The following MYO9A variants were observed in gnomAD, a reference collection of about 807,000 sequenced individuals.
The protein encoded by MYO9A is myosin IXA.
Under a neutral mutation model 293.3 loss-of-function variants are expected in MYO9A, and 103 were observed. The observed-to-expected ratio is 0.35, with a 90% CI of 0.30 to 0.41. The LOEUF is 0.41. Among genes scored for constraint, MYO9A ranks in the 10% least tolerant of loss-of-function variants. The probability of loss-of-function intolerance (pLI) is 1.00; values close to 1 mark genes in which losing one functional copy is unlikely to be tolerated. For synonymous variants in MYO9A, 1,001 were observed against 1,035.7 expected (o/e 0.97, Z 0.64); for missense variants, 2,685 against 3,033.0 (o/e 0.89, Z 2.69).
chr15:72,101,215 G>A (rs1285846798), intron 1 of MYO9A, among the ~76,000 whole-genome samples: 22 of 133,788 alleles, frequency 1.6e-4, no homozygotes, highest in African/African-American at 3.1e-4. Context: ...CCCTCTGCCC[G>A]GCCAGCCGCC....
At chr15:72,026,108 C>A (rs1218231331) in intron 4 of MYO9A, among the ~76,000 whole-genome samples, 1 of 151,418 alleles carries the variant, frequency 6.6e-6, no homozygotes, top group Non-Finnish European at 1.5e-5. Flanking sequence ...CCCGCCCCTA[C>A]TAAAAATACA....
intron 9 of MYO9A, among the ~76,000 whole-genome samples, chr15:71,997,642 A>G (rs184585437): frequency 8.4e-4 from 128 of 152,230 alleles, no homozygotes; most frequent in Admixed American, 7.4e-3. Flanking sequence ...ACAAAAAAAA[A>G]GTAGGGAATA....
At position 71,875,810 on chromosome 15, in the gene MYO9A, C is replaced by T. The variant is rs1203930547; in HGVS notation, c.5960G>A (p.Arg1987Lys). Residue 1987 changes from arginine (R) to lysine (K), a missense_variant, in exon 32 of 42, where the codon AGG (arginine) becomes AAG (lysine). This residue lies in a region of MYO9A where 1,434 missense variants were observed against 1,497.7 expected (regional missense o/e 0.96). Coordinates refer to ENST00000356056, the MANE Select transcript of MYO9A (RefSeq NM_006901.4). ...ACTTACCAAATCAGTTTCCTTTTTC[C>T]TTCTTTTCTTTCTTTCTGTTTTTGG... ...KVPKTERKKRRKKETDLVEEH... is the reference protein window; with the variant it reads ...KVPKTERKKRKKKETDLVEEH... The T allele has an allele frequency of 1.5e-6, 2 of 1,367,202 alleles. No individual in the cohort carries two copies. Among genetic ancestry groups the T allele is most frequent in the Admixed American group, 3.3e-5 (1 of 30,016 alleles). The allele number at this position is 1,367,202 out of a possible 1,614,324, so 84.7% of individuals were successfully genotyped here.
intron 1 of MYO9A, chr15:72,117,157 T>C (rs2081015017): frequency 6.6e-6 from 1 of 152,112 alleles, no homozygotes; most frequent in African/African-American, 2.4e-5. Context: ...TGACACCACA[T>C]CTACCGGGAG....
At chr15:72,115,598 G>A (rs2080942722) in intron 1 of MYO9A, among the ~76,000 whole-genome samples, 1 of 152,096 alleles carries the variant, frequency 6.6e-6, no homozygotes, top group African/African-American at 2.4e-5. Context: ...AATATTCCTG[G>A]CCTTTAGTCT....
intron 36 of MYO9A, 66 bp downstream of exon 36, chr15:71,852,066 A>G (rs1171833447): frequency 6.7e-7 from 1 of 1,490,740 alleles, no homozygotes; most frequent in Non-Finnish European, 9.1e-7. Context: ...TTGATAATCT[A>G]TACTCAAGAT....
intron 1 of MYO9A, among the ~76,000 whole-genome samples, chr15:72,070,653 G>GCACTCCA (rs2079163594): frequency 6.6e-6 from 1 of 152,010 alleles, no homozygotes; most frequent in African/African-American, 2.4e-5. Context: ...CCGCGCCACT[G>GCACTCCA]CACTCCAGCT....
At chr15:71,905,762 C>CAG (rs35384160) in intron 19 of MYO9A, among the ~76,000 whole-genome samples, 4 of 71,896 alleles carry the variant, frequency 5.6e-5, no homozygotes, top group African/African-American at 2.4e-4. Context: ...GACTCTGTCT[C>CAG]AAAAAAAAAA....
chr15:71,983,902 C>T (rs1390966226), intron 11 of MYO9A, among the ~76,000 whole-genome samples: 3 of 152,200 alleles, frequency 2.0e-5, no homozygotes, highest in East Asian at 3.8e-4. Context: ...ACCTGAGCTA[C>T]AATAGGAAAC....
At chr15:71,867,798 TCACACACACACACACACACACA>T (rs57300333) in intron 32 of MYO9A, among the ~76,000 whole-genome samples, 15 of 127,632 alleles carry the variant, frequency 1.2e-4, no homozygotes, top group South Asian at 6.1e-4. Context: ...TGGGAATCCA[TCACACACACACACACACACACA>T]CACACACACA....
Position 71,967,971 on chromosome 15 carries a change from G to T in MYO9A, c.1986+13C>A. 6.3e-7 allele frequency: 1 copy of T among 1,599,274 alleles called. No individual in the cohort carries two copies. On this transcript the variant is annotated intron_variant, in intron 13 of 41. Coordinates refer to ENST00000356056, the MANE Select transcript of MYO9A (RefSeq NM_006901.4). Reference sequence around the variant, plus strand: ...TCTGCCCTGTAAGCATATTCAGTGAGAAATTTACTGACCTTTACCCCATAT... The same window carrying T: ...TCTGCCCTGTAAGCATATTCAGTGATAAATTTACTGACCTTTACCCCATAT...
chr15:72,052,786 T>G (rs1264122869), intron 1 of MYO9A, among the ~76,000 whole-genome samples: 1 of 152,152 alleles, frequency 6.6e-6, no homozygotes, highest in African/African-American at 2.4e-5. Context: ...GCCAGCATGC[T>G]CGGTTGTGTA....
At chr15:71,839,566 GC>G (rs1446042878) in intron 39 of MYO9A, among the ~76,000 whole-genome samples, 1 of 152,040 alleles carries the variant, frequency 6.6e-6, no homozygotes, top group East Asian at 1.9e-4. Context: ...GTACCACCAT[GC>G]CCAGCTAACT....
chr15:71,933,715 G>A lies in MYO9A; in HGVS notation c.2523-6C>T. On this transcript the variant is annotated splice_region_variant and splice_polypyrimidine_tract_variant and intron_variant, in intron 17 of 41. Transcript: ENST00000356056. The stretch of plus-strand genomic sequence containing the variant: ...ATTTGAAATTTTTGTTTCTCCTATA[G>A]AGATAAATCATTCATTAAAAAAAGC... 6.3e-7 allele frequency: 1 copy of A among 1,584,312 alleles called. No individual in the cohort carries two copies. The highest frequency in any genetic ancestry group is 1.2e-5 in the South Asian group (1 of 86,918).
chr15:71,901,407 T>A (rs1185132510), intron 22 of MYO9A, 67 bp from the exon 23 acceptor site: 1 of 1,480,774 alleles, frequency 6.8e-7, no homozygotes, highest in Non-Finnish European at 9.1e-7. Context: ...TCATGAATCA[T>A]CCTTTCTGTG....
chr15:71,897,130 A>G lies in MYO9A; in HGVS notation c.5042+331T>C. On this transcript the variant is annotated intron_variant, in intron 25 of 41. Coordinates refer to ENST00000356056, the MANE Select transcript of MYO9A (RefSeq NM_006901.4). ...TTAAAGCCTGAAACAAACAACCTTC[A>G]ACTACTAAACTTCACAGCTGTAAAG... The G allele has an allele frequency of 9.4e-6, 2 of 212,992 alleles. 1 individual carries two copies. Among genetic ancestry groups the G allele is most frequent in the Non-Finnish European group, 1.9e-5 (2 of 107,320 alleles). The allele number at this position is 212,992 out of a possible 1,614,324, so 13.2% of individuals were successfully genotyped here. A position where few individuals can be genotyped will look rare whatever the true frequency, so the allele number is the denominator to read the frequency against.
At chr15:71,988,935 C>A (rs2076471246) in intron 11 of MYO9A, among the ~76,000 whole-genome samples, 1 of 152,174 alleles carries the variant, frequency 6.6e-6, no homozygotes, top group Non-Finnish European at 1.5e-5. Context: ...CACTCTGTCA[C>A]CCAGGCTGGA....
chr15:71,874,849 T>C (rs1165718898), intron 32 of MYO9A, among the ~76,000 whole-genome samples: 1 of 152,168 alleles, frequency 6.6e-6, no homozygotes, highest in African/African-American at 2.4e-5. Flanking sequence ...CATTTGTACA[T>C]ACTGTTTTTC....
chr15:72,009,752 C>T (rs1404611835), intron 7 of MYO9A, among the ~76,000 whole-genome samples: 1 of 151,974 alleles, frequency 6.6e-6, no homozygotes, highest in African/African-American at 2.4e-5. Context: ...ACATATTCAT[C>T]AGCACGACTC....
Sources: gnomAD v4.1 joint callset for allele counts (sites outside exome capture counted in the v4.1 genomes callset) on GRCh38, gnomAD v4.1.1 for gene constraint, gnomAD v4.1.1 regional missense constraint, MANE v1.5 for transcripts, NCBI Gene and HGNC (gene_info 2026-07-23, HGNC 2026-07-21) for gene names.